COBLL1: variants seen among roughly 807,000 people sequenced by gnomAD.
COBLL1 encodes cordon-bleu protein-like 1.
Under a neutral mutation model 94.8 loss-of-function variants are expected in COBLL1, and 50 were observed. That is an observed-to-expected ratio of 0.53 (90% CI 0.42 to 0.67). COBLL1 has a LOEUF of 0.67. Ranked by LOEUF, COBLL1 falls within the 30% of genes least tolerant of loss-of-function variation. COBLL1 has a pLI of 0.00. For missense variants in COBLL1, 1,362 were observed against 1,348.7 expected (o/e 1.01, Z -0.15); for synonymous variants, 448 against 473.8 (o/e 0.95, Z 0.71).
intron 2 of COBLL1, chr2:164,773,727 A>G (rs1333839779): frequency 7.7e-7 from 1 of 1,293,960 alleles, no homozygotes; most frequent in East Asian, 5.6e-5. Flanking sequence ...GAAAGTCTCC[A>G]TAAAACAGTA....
intron 2 of COBLL1, among the ~76,000 whole-genome samples, chr2:164,813,513 G>C (rs1275763666): frequency 6.6e-6 from 1 of 152,082 alleles, no homozygotes; most frequent in Non-Finnish European, 1.5e-5. Context: ...AGGGGTGTTG[G>C]TTATTTCTCC....
At chr2:164,726,131 T>A (rs1016459436) in intron 5 of COBLL1, among the ~76,000 whole-genome samples, 1 of 152,194 alleles carries the variant, frequency 6.6e-6, no homozygotes, top group Non-Finnish European at 1.5e-5. Context: ...ATCAGTGCAT[T>A]CGACAACCTC....
intron 2 of COBLL1, among the ~76,000 whole-genome samples, chr2:164,789,896 G>T (rs964304285): frequency 6.6e-6 from 1 of 152,186 alleles, no homozygotes; most frequent in Non-Finnish European, 1.5e-5. Context: ...ACATTGGACT[G>T]ATTACGAACA....
chr2:164,723,066 T>C (rs1685537996), intron 5 of COBLL1: 1 of 152,204 alleles, frequency 6.6e-6, no homozygotes, highest in Admixed American at 6.5e-5. Flanking sequence ...CCAGAGGACA[T>C]TTGACAAAGT....
intron 2 of COBLL1, among the ~76,000 whole-genome samples, chr2:164,815,469 T>C (rs928669663): frequency 2.6e-4 from 39 of 150,988 alleles, no homozygotes; most frequent in African/African-American, 8.5e-4. Context: ...AGCACAGTGA[T>C]ACAGAACACA....
chr2:164,827,288 G>C lies in COBLL1; in HGVS notation c.41+13868C>G, dbSNP rs181342772. ...TTTTCTCATGGTAAATTCTGGCTTA[G>C]AATTTCATCTTATATGGGAATAATG... On this transcript the variant is annotated intron_variant, in intron 2 of 13. Transcript: ENST00000652658. Among the ~76,000 whole-genome samples, 67 of 152,200 alleles carry C rather than the reference G, an allele frequency of 4.4e-4. No homozygotes were observed. In the Middle Eastern group the frequency reaches 0.01, roughly 23 times the overall value.
intron 2 of COBLL1, among the ~76,000 whole-genome samples, chr2:164,753,490 G>A (rs1178404655): frequency 1.3e-5 from 2 of 151,512 alleles, no homozygotes; most frequent in African/African-American, 2.4e-5. Context: ...TCTTAAATAC[G>A]ACTTGCCTGC....
intron 2 of COBLL1, among the ~76,000 whole-genome samples, chr2:164,813,045 A>T (rs1204720709): frequency 1.6e-5 from 1 of 63,814 alleles, no homozygotes; most frequent in Non-Finnish European, 3.5e-5. Flanking sequence ...ATTTTTTTTT[A>T]AAACCACAAC....
chr2:164,658,918 C>T (rs1315522877), intron 2 of COBLL1, among the ~76,000 whole-genome samples: 4 of 152,066 alleles, frequency 2.6e-5, no homozygotes, highest in Non-Finnish European at 5.9e-5. Flanking sequence ...CTTTTGGCTT[C>T]AATATCTGCT....
chr2:164,756,688 C>T (rs1447663533), intron 2 of COBLL1, among the ~76,000 whole-genome samples: 1 of 151,926 alleles, frequency 6.6e-6, no homozygotes, highest in Non-Finnish European at 1.5e-5. Context: ...AAATATCTAG[C>T]TCACTAAATA....
At position 164,694,527 on chromosome 2, in the gene COBLL1, A is replaced by G. The variant is rs767284845; in HGVS notation, c.2865T>C (p.Pro955=). ...EASPPPIAPK[P]VTIPASQVST... ...ATACCTGACTAGCAGGAATTGTCAC[A>G]GGTTTTGGAGCTATGGGAGGAGGGG... Residue 955 remains proline, a synonymous_variant, in exon 12 of 14, where the codon CCT becomes CCC. Coordinates refer to ENST00000652658, the MANE Select transcript of COBLL1 (RefSeq NM_001365672.2). The G allele has an allele frequency of 1.9e-6, 3 of 1,614,004 alleles. No homozygotes were observed. Among genetic ancestry groups the G allele is most frequent in the South Asian group, 2.2e-5 (2 of 91,078 alleles).
intron 12 of COBLL1, chr2:164,692,674 G>C (rs1260843508): frequency 4.1e-5 from 10 of 245,588 alleles, no homozygotes; most frequent in Non-Finnish European, 7.8e-5. Context: ...TTGTTCTTGA[G>C]TTAAATACTG....
chr2:164,722,540 C>T lies in COBLL1; in HGVS notation c.662-18G>A, dbSNP rs761443826. The T allele has an allele frequency of 2.2e-6, 3 of 1,348,866 alleles. No individual in the cohort carries two copies. The highest frequency in any genetic ancestry group is 2.0e-6 in the Non-Finnish European group (2 of 996,878). The allele number at this position is 1,348,866 out of a possible 1,614,324, so 83.6% of individuals were successfully genotyped here. ...GCAGGACTCTAAAATAGAAGAAAAG[C>T]ATCTTACTTTTGTATGTGAGGTTGA... On this transcript the variant is annotated intron_variant, in intron 5 of 13. Coordinates refer to ENST00000652658, the MANE Select transcript of COBLL1 (RefSeq NM_001365672.2).
intron 2 of COBLL1, among the ~76,000 whole-genome samples, chr2:164,801,191 G>A (rs1030251904): frequency 6.6e-5 from 10 of 151,904 alleles, no homozygotes; most frequent in African/African-American, 2.2e-4. Flanking sequence ...TGTAATCCCA[G>A]CACTTTGGGA....
At chr2:164,687,128 G>C (rs1683336204) in intron 13 of COBLL1, among the ~76,000 whole-genome samples, 1 of 152,020 alleles carries the variant, frequency 6.6e-6, no homozygotes, top group South Asian at 2.1e-4. Context: ...CCAGCAGAAG[G>C]GAAAACTCAT....
At chr2:164,743,483 T>G in intron 3 of COBLL1, 1 of 459,056 alleles carries the variant, frequency 2.2e-6, no homozygotes. Context: ...TTTAATTGGG[T>G]TTGTGGAATT....
Position 164,694,381 on chromosome 2 carries a change from G to A in COBLL1, c.3011C>T (p.Thr1004Ile). 1.9e-6 allele frequency: 3 copies of A among 1,613,984 alleles called. No homozygotes were observed. The highest frequency in any genetic ancestry group is 2.2e-5 in the East Asian group (1 of 44,862). The change falls in exon 12 of 14, where the codon ACC becomes ATC. Residue 1004 changes from threonine (T) to isoleucine (I), a missense_variant. Transcript: ENST00000652658. ...CAATGCACTGGCACTAGGTGACTCG[G>A]TGCGCTCTTTACTGAAAGACTGTGA... ...KRSQSFSKER[T>I]ESPSASALVQ... is the part of the protein sequence containing the mutation.
intron 7 of COBLL1, among the ~76,000 whole-genome samples, chr2:164,718,816 T>C (rs1458973426): frequency 6.6e-6 from 1 of 152,160 alleles, no homozygotes; most frequent in African/African-American, 2.4e-5. Flanking sequence ...AAGATGGAAG[T>C]GGGGCCATTC....
At chr2:164,832,029 C>T (rs1029992310) in intron 2 of COBLL1, among the ~76,000 whole-genome samples, 1 of 152,188 alleles carries the variant, frequency 6.6e-6, no homozygotes, top group Non-Finnish European at 1.5e-5. Context: ...TTTTCCAGCA[C>T]ATCTCAATCA....
Sources: gnomAD v4.1 joint callset for allele counts (sites outside exome capture counted in the v4.1 genomes callset) on GRCh38, gnomAD v4.1.1 for gene constraint, MANE v1.5 for transcripts, NCBI Gene and HGNC (gene_info 2026-07-23, HGNC 2026-07-21) for gene names.